Variants in EXOC6B observed in about 807,000 individuals in gnomAD.
EXOC6B encodes the protein SEC15 homolog B.
Under a neutral mutation model 113.5 loss-of-function variants are expected in EXOC6B, and 54 were observed. The ratio of observed to expected loss-of-function variants is 0.48; its 90% CI spans 0.38 to 0.60. The LOEUF (loss-of-function observed/expected upper bound fraction) is 0.60. Ranked by LOEUF, EXOC6B falls within the 20% of genes least tolerant of loss-of-function variation. EXOC6B has a pLI of 0.00. For missense variants in EXOC6B, 797 were observed against 977.5 expected (o/e 0.82, Z 2.46); for synonymous variants, 357 against 339.0 (o/e 1.05, Z -0.58).
chr2:72,619,923 T>C (rs542289309), intron 6 of EXOC6B, among the ~76,000 whole-genome samples: 1 of 152,314 alleles, frequency 6.6e-6, no homozygotes, highest in Non-Finnish European at 1.5e-5. Flanking sequence ...AGAGTGGCCA[T>C]AGATACCCAT....
At chr2:72,475,355 G>A (rs1254723399) in intron 17 of EXOC6B, among the ~76,000 whole-genome samples, 1 of 152,192 alleles carries the variant, frequency 6.6e-6, no homozygotes, top group Non-Finnish European at 1.5e-5. Context: ...TTAGTCCCAA[G>A]TGGTTCACAC....
At chr2:72,337,707 ATAAAG>A (rs1348644227) in intron 19 of EXOC6B, among the ~76,000 whole-genome samples, 5 of 152,204 alleles carry the variant, frequency 3.3e-5, no homozygotes, top group Non-Finnish European at 5.9e-5. Flanking sequence ...ATCAGGTATG[ATAAAG>A]TAAAGAAATT....
chr2:72,502,197 T>A (rs1023126813), intron 11 of EXOC6B, among the ~76,000 whole-genome samples: 1 of 152,254 alleles, frequency 6.6e-6, no homozygotes, highest in African/African-American at 2.4e-5. Context: ...TCCTATCTCA[T>A]CTGATATTTT....
At chr2:72,437,402 G>T (rs1695944770) in intron 18 of EXOC6B, among the ~76,000 whole-genome samples, 1 of 152,246 alleles carries the variant, frequency 6.6e-6, no homozygotes, top group African/African-American at 2.4e-5. Context: ...GAGGCAGTCT[G>T]TTCCGTAGCA....
chr2:72,598,446 C>A (rs1056063496), intron 6 of EXOC6B, among the ~76,000 whole-genome samples: 1 of 151,856 alleles, frequency 6.6e-6, no homozygotes, highest in Non-Finnish European at 1.5e-5. Context: ...GCATTGAATG[C>A]ATAAACCAGT....
rs558791382 is a variant in EXOC6B at position 72,435,934 on chromosome 2, G to A, written c.1980+29226C>T. On this transcript the variant is annotated intron_variant, in intron 18 of 21. Transcript: ENST00000272427. ...TATTGTTATGTGTGAATTTGATCCT[G>A]TCATTATGATGTTAGCTGGTTATTT... is the stretch of plus-strand genomic sequence containing the variant. 4.3e-4 allele frequency among the ~76,000 whole-genome samples: 66 copies of A among 152,252 alleles called. 1 individual carries two copies. In the South Asian group the frequency reaches 0.013, roughly 31 times the overall value.
intron 19 of EXOC6B, among the ~76,000 whole-genome samples, chr2:72,346,083 A>G (rs7571483): frequency 0.19 from 29,266 of 151,838 alleles, 5,080 homozygotes; most frequent in African/African-American, 0.47. Flanking sequence ...TTTTTTTTTA[A>G]TAGGAAATGT....
chr2:72,434,528 C>G (rs1695740449), intron 18 of EXOC6B, among the ~76,000 whole-genome samples: 1 of 152,178 alleles, frequency 6.6e-6, no homozygotes, highest in Non-Finnish European at 1.5e-5. Context: ...GTGAATCCGT[C>G]TGGTCCTGGA....
intron 19 of EXOC6B, among the ~76,000 whole-genome samples, chr2:72,338,961 A>ACATACG (rs1481439462): frequency 6.8e-6 from 1 of 146,146 alleles, no homozygotes; most frequent in Admixed American, 6.8e-5. Flanking sequence ...ATACACATAC[A>ACATACG]CATACATACA....
chr2:72,362,059 G>A (rs1690348808), intron 19 of EXOC6B, among the ~76,000 whole-genome samples: 1 of 152,092 alleles, frequency 6.6e-6, no homozygotes. Flanking sequence ...GTAGAGTGAG[G>A]GTTATTATGG....
intron 6 of EXOC6B, among the ~76,000 whole-genome samples, chr2:72,613,829 C>A (rs575605019): frequency 4.5e-4 from 69 of 151,756 alleles, no homozygotes; most frequent in Middle Eastern, 6.9e-3. Context: ...GGTCAGGAAA[C>A]TATGGCCCAC....
At chr2:72,556,663 A>G (rs1178050506) in intron 8 of EXOC6B, among the ~76,000 whole-genome samples, 2 of 152,130 alleles carry the variant, frequency 1.3e-5, no homozygotes, top group African/African-American at 2.4e-5. Context: ...GATGAACCTA[A>G]GATGGGTTAA....
intron 20 of EXOC6B, among the ~76,000 whole-genome samples, chr2:72,185,544 G>C (rs1369440249): frequency 1.3e-5 from 2 of 152,204 alleles, no homozygotes; most frequent in African/African-American, 4.8e-5. Flanking sequence ...GAAGGAGTGG[G>C]GGAGAGACAG....
At chr2:72,354,039 C>A (rs1437565694) in intron 19 of EXOC6B, among the ~76,000 whole-genome samples, 1 of 152,158 alleles carries the variant, frequency 6.6e-6, no homozygotes, top group East Asian at 1.9e-4. Context: ...CTTTTCAAAA[C>A]CATGTATCAG....
intron 1 of EXOC6B, among the ~76,000 whole-genome samples, chr2:72,792,990 G>A (rs1052858275): frequency 1.3e-5 from 2 of 152,082 alleles, no homozygotes; most frequent in Non-Finnish European, 2.9e-5. Context: ...TAAGTAAGGA[G>A]CTCAATCCAT....
chr2:72,548,121 T>G (rs1488948045), intron 8 of EXOC6B, among the ~76,000 whole-genome samples: 1 of 152,036 alleles, frequency 6.6e-6, no homozygotes, highest in African/African-American at 2.4e-5. Flanking sequence ...TTCCCTCCCC[T>G]CCCCCTGCCA....
intron 6 of EXOC6B, among the ~76,000 whole-genome samples, chr2:72,704,185 G>A (rs1446737599): frequency 1.0e-4 from 15 of 149,394 alleles, no homozygotes; most frequent in African/African-American, 3.2e-4. Context: ...ACTCAAAACC[G>A]CTCAACTACA....
At chr2:72,218,188 G>A (rs944694535) in intron 20 of EXOC6B, among the ~76,000 whole-genome samples, 5 of 152,146 alleles carry the variant, frequency 3.3e-5, no homozygotes, top group African/African-American at 1.2e-4. Context: ...CCTCATAAAC[G>A]CATTTGTGGA....
At chr2:72,703,040 G>T (rs2104648527) in intron 6 of EXOC6B, among the ~76,000 whole-genome samples, 1 of 147,032 alleles carries the variant, frequency 6.8e-6, no homozygotes. Context: ...TTCTTCTAGG[G>T]TTTTTATGGT....
Sources: gnomAD v4.1 joint callset for allele counts (sites outside exome capture counted in the v4.1 genomes callset) on GRCh38, gnomAD v4.1.1 for gene constraint, MANE v1.5 for transcripts, NCBI Gene and HGNC (gene_info 2026-07-23, HGNC 2026-07-21) for gene names.